The following SMYD3 variants were observed in gnomAD, a reference collection of about 807,000 sequenced individuals.
The protein encoded by SMYD3 is SET and MYND domain containing 3, also known as histone-lysine N-methyltransferase SMYD3.
Under a neutral mutation model 57.7 loss-of-function variants are expected in SMYD3, and 36 were observed. The ratio of observed to expected loss-of-function variants is 0.62; its 90% CI spans 0.48 to 0.82. SMYD3 has a LOEUF of 0.82. Among genes scored for constraint, SMYD3 ranks in the 40% least tolerant of loss-of-function variants. The pLI is 0.00. For synonymous variants in SMYD3, 211 were observed against 195.0 expected (o/e 1.08, Z -0.68); for missense variants, 515 against 538.8 (o/e 0.96, Z 0.44).
chr1:246,211,940 A>G (rs2063095393), intron 5 of SMYD3, among the ~76,000 whole-genome samples: 1 of 152,034 alleles, frequency 6.6e-6, no homozygotes, highest in Non-Finnish European at 1.5e-5. Flanking sequence ...ACATAAATAA[A>G]TACAGAAGAA....
At chr1:246,313,823 A>C (rs1292343353) in intron 5 of SMYD3, among the ~76,000 whole-genome samples, 1 of 152,346 alleles carries the variant, frequency 6.6e-6, no homozygotes, top group African/African-American at 2.4e-5. Context: ...TATAGCATAG[A>C]AAATGTTTAA....
intron 1 of SMYD3, among the ~76,000 whole-genome samples, chr1:246,361,275 T>C (rs1322961093): frequency 1.3e-5 from 2 of 152,108 alleles, no homozygotes; most frequent in Non-Finnish European, 2.9e-5. Context: ...AGAATGGCCA[T>C]AATCAAAAAA....
chr1:245,830,957 C>G (rs2049800851), intron 10 of SMYD3, among the ~76,000 whole-genome samples: 1 of 152,140 alleles, frequency 6.6e-6, no homozygotes, highest in Non-Finnish European at 1.5e-5. Flanking sequence ...TGGTCCTGCC[C>G]CCCTCCTCGC....
chr1:246,379,956 C>T lies in SMYD3; in HGVS notation c.165-24862G>A, dbSNP rs564367330. On this transcript the variant is annotated intron_variant, in intron 1 of 11. Coordinates refer to ENST00000490107, the MANE Select transcript of SMYD3 (RefSeq NM_001167740.2). ...TGGAGGTTGCACCTCCCAGGGAGGT[C>T]GAGATCACACCACTGCACTCCAGCC... Among the ~76,000 whole-genome samples, 4 of 149,334 alleles carry T rather than the reference C, an allele frequency of 2.7e-5. No homozygotes were observed. The East Asian group carries it at 7.9e-4, about 29-fold the overall frequency.
chr1:246,118,669 G>C (rs1229669909), intron 5 of SMYD3, among the ~76,000 whole-genome samples: 1 of 152,136 alleles, frequency 6.6e-6, no homozygotes, highest in African/African-American at 2.4e-5. Flanking sequence ...GACACCTCCA[G>C]GTGATGAAAA....
At chr1:246,232,439 T>G (rs1268967585) in intron 5 of SMYD3, among the ~76,000 whole-genome samples, 1 of 151,818 alleles carries the variant, frequency 6.6e-6, no homozygotes, top group Admixed American at 6.6e-5. Flanking sequence ...AAAGAACATA[T>G]ACCATATACC....
intron 5 of SMYD3, among the ~76,000 whole-genome samples, chr1:245,954,601 C>T (rs2057772260): frequency 6.6e-6 from 1 of 151,998 alleles, no homozygotes; most frequent in South Asian, 2.1e-4. Flanking sequence ...GCTTGAGCCC[C>T]CAGGAAGCAG....
intron 10 of SMYD3, among the ~76,000 whole-genome samples, chr1:245,797,462 T>C (rs1450060128): frequency 7.5e-6 from 1 of 132,872 alleles, no homozygotes; most frequent in Admixed American, 9.3e-5. Context: ...CACTGATAGG[T>C]GGGAACTGAA....
At chr1:246,408,581 A>G (rs933356135) in intron 1 of SMYD3, among the ~76,000 whole-genome samples, 2 of 152,062 alleles carry the variant, frequency 1.3e-5, no homozygotes, top group African/African-American at 4.8e-5. Context: ...AATTACTGAT[A>G]AACAGAGAGA....
intron 5 of SMYD3, among the ~76,000 whole-genome samples, chr1:246,313,877 C>A (rs929756981): frequency 6.6e-5 from 10 of 151,452 alleles, no homozygotes; most frequent in African/African-American, 2.4e-4. Context: ...GAAAAGCACA[C>A]CCAATAATGG....
At chr1:246,403,020 C>T (rs926894325) in intron 1 of SMYD3, among the ~76,000 whole-genome samples, 9 of 152,160 alleles carry the variant, frequency 5.9e-5, no homozygotes, top group Non-Finnish European at 1.0e-4. Context: ...CCATTCTACC[C>T]GAACTGTCCA....
intron 1 of SMYD3, among the ~76,000 whole-genome samples, chr1:246,460,140 A>C (rs186804454): frequency 1.1e-4 from 17 of 152,320 alleles, no homozygotes; most frequent in African/African-American, 3.6e-4. Context: ...CAAACAAACA[A>C]ATTTCATACC....
intron 1 of SMYD3, among the ~76,000 whole-genome samples, chr1:246,486,977 A>T (rs1316732165): frequency 6.6e-6 from 1 of 152,178 alleles, no homozygotes; most frequent in Non-Finnish European, 1.5e-5. Context: ...CAAGACAACA[A>T]AATAAATAAA....
At chr1:245,891,121 T>C (rs1454736464) in intron 8 of SMYD3, among the ~76,000 whole-genome samples, 3 of 152,180 alleles carry the variant, frequency 2.0e-5, no homozygotes, top group African/African-American at 7.2e-5. Flanking sequence ...GGTACAAAAA[T>C]ATAATCAGAT....
intron 8 of SMYD3, among the ~76,000 whole-genome samples, chr1:245,882,428 C>G (rs887439130): frequency 1.2e-4 from 19 of 152,144 alleles, no homozygotes; most frequent in African/African-American, 4.3e-4. Context: ...GAAAAGAGAG[C>G]CTATCTGTGG....
At chr1:245,931,503 C>T (rs535135913) in intron 5 of SMYD3, among the ~76,000 whole-genome samples, 1 of 152,096 alleles carries the variant, frequency 6.6e-6, no homozygotes, top group African/African-American at 2.4e-5. Flanking sequence ...GAGAGCAAGT[C>T]CAACAGTTCT....
chr1:246,463,946 A>G (rs1477146429), intron 1 of SMYD3, among the ~76,000 whole-genome samples: 2 of 152,250 alleles, frequency 1.3e-5, no homozygotes, highest in East Asian at 3.9e-4. Flanking sequence ...GTAAGACAAC[A>G]GAGGAGGCAT....
chr1:246,341,756 C>T (rs1039980274), intron 2 of SMYD3, among the ~76,000 whole-genome samples: 1 of 152,212 alleles, frequency 6.6e-6, no homozygotes, highest in Non-Finnish European at 1.5e-5. Flanking sequence ...CTCCTCTTTA[C>T]ATACAAAGTC....
intron 1 of SMYD3, among the ~76,000 whole-genome samples, chr1:246,379,220 G>GATAATAAATA (rs1295702683): frequency 1.3e-5 from 2 of 150,866 alleles, no homozygotes; most frequent in African/African-American, 4.9e-5. Context: ...GAACTAAAAT[G>GATAATAAATA]ATAATAAATA....
Sources: allele counts gnomAD v4.1 joint callset (sites outside exome capture counted in the v4.1 genomes callset), GRCh38; gene constraint gnomAD v4.1.1; transcripts MANE v1.5; gene names NCBI Gene and HGNC (gene_info 2026-07-23, HGNC 2026-07-21).